ULK4: variants seen among roughly 807,000 people sequenced by gnomAD.
ULK4 encodes unc-51 like kinase 4.
ULK4 carries 133 observed loss-of-function variants against 160.6 expected under a neutral mutation model. That is an observed-to-expected ratio of 0.83 (90% CI 0.72 to 0.96). ULK4 has a LOEUF of 0.96. ULK4 is among the 40% of genes least tolerant of loss of function. ULK4 has a pLI of 0.00. For synonymous variants in ULK4, 534 were observed against 539.8 expected (o/e 0.99, Z 0.15); for missense variants, 1,580 against 1,499.5 (o/e 1.05, Z -0.89).
At chr3:41,592,805 C>G (rs542839415) in intron 31 of ULK4, among the ~76,000 whole-genome samples, 7 of 152,258 alleles carry the variant, frequency 4.6e-5, no homozygotes, top group African/African-American at 1.7e-4. Flanking sequence ...AAGTGAGTAT[C>G]TTATCTATGC....
chr3:41,909,761 A>G (rs890484885), intron 11 of ULK4, among the ~76,000 whole-genome samples: 4 of 152,140 alleles, frequency 2.6e-5, no homozygotes, highest in Non-Finnish European at 4.4e-5. Context: ...TGTAAAATGT[A>G]TATAGATAAA....
At chr3:41,657,273 G>A (rs1220837080) in intron 30 of ULK4, among the ~76,000 whole-genome samples, 10 of 151,996 alleles carry the variant, frequency 6.6e-5, no homozygotes, top group Admixed American at 5.2e-4. Context: ...TATAAAATAA[G>A]AATAAACACA....
At chr3:41,266,826 T>C (rs2079042741) in intron 35 of ULK4, among the ~76,000 whole-genome samples, 1 of 152,132 alleles carries the variant, frequency 6.6e-6, no homozygotes, top group Admixed American at 6.5e-5. Flanking sequence ...CTTACTGAAG[T>C]GCTTCATCCA....
At chr3:41,511,754 G>C (rs747835011) in intron 32 of ULK4, among the ~76,000 whole-genome samples, 3 of 151,944 alleles carry the variant, frequency 2.0e-5, no homozygotes, top group Non-Finnish European at 4.4e-5. Flanking sequence ...CTATTCCATA[G>C]AATAAAGAGG....
intron 35 of ULK4, among the ~76,000 whole-genome samples, chr3:41,353,731 AC>A (rs2080969356): frequency 6.7e-6 from 1 of 149,514 alleles, no homozygotes; most frequent in Non-Finnish European, 1.5e-5. Context: ...TACTACTACT[AC>A]TACTACTACT....
At position 41,387,378 on chromosome 3, in the gene ULK4, T is replaced by G. The variant is rs931588853; in HGVS notation, c.3678+10701A>C. On this transcript the variant is annotated intron_variant, in intron 35 of 36. Transcript: ENST00000301831. The stretch of plus-strand genomic sequence containing the variant: ...TAATTTTGTATCTTTTTTTTTCTTT[T>G]TTATATCATTATACTTTAAGTTTTA... Among the ~76,000 whole-genome samples, 15 of 151,948 alleles carry G rather than the reference T, an allele frequency of 9.9e-5. 1 individual carries two copies. The highest frequency in any genetic ancestry group is 4.4e-5 in the Non-Finnish European group (3 of 67,972).
At chr3:41,721,279 T>TTTTTTTTTTTTTTTTTTTTGG (rs67078043) in intron 22 of ULK4, among the ~76,000 whole-genome samples, 2 of 98,922 alleles carry the variant, frequency 2.0e-5, no homozygotes, top group African/African-American at 4.4e-5. Context: ...TTTTTTTTTT[T>TTTTTTTTTTTTTTTTTTTTGG]TTTTTGGGTT....
At chr3:41,509,272 A>G (rs747114449) in intron 32 of ULK4, among the ~76,000 whole-genome samples, 4 of 152,102 alleles carry the variant, frequency 2.6e-5, no homozygotes, top group Admixed American at 6.6e-5. Flanking sequence ...GCATCAAAGA[A>G]AAGAAGAAAG....
chr3:41,457,987 A>G (rs1365973760), intron 33 of ULK4, among the ~76,000 whole-genome samples: 1 of 152,182 alleles, frequency 6.6e-6, no homozygotes, highest in African/African-American at 2.4e-5. Context: ...TGATTTGGTG[A>G]CAGATTAGAT....
At chr3:41,393,238 T>C (rs754052132) in intron 35 of ULK4, among the ~76,000 whole-genome samples, 3 of 152,186 alleles carry the variant, frequency 2.0e-5, no homozygotes, top group Non-Finnish European at 4.4e-5. Context: ...ATAGCTACTA[T>C]GGTAAAGTTT....
rs561286633 is a variant in ULK4 at position 41,345,663 on chromosome 3, A to G, written c.3678+52416T>C. ...CGGGAAGGAGAGCATCAGGAAGAAT[A>G]GCTAATAGATGCTGGGCTTAATACC... On this transcript the variant is annotated intron_variant, in intron 35 of 36. Coordinates refer to ENST00000301831, the MANE Select transcript of ULK4 (RefSeq NM_017886.4). 9.2e-5 allele frequency among the ~76,000 whole-genome samples: 14 copies of G among 152,318 alleles called. No individual in the cohort carries two copies. In the South Asian group the frequency reaches 2.9e-3, roughly 32 times the overall value.
rs531622997 is a variant in ULK4 at position 41,926,385 on chromosome 3, T to G, written c.541+5459A>C. Among the ~76,000 whole-genome samples the G allele has an allele frequency of 1.1e-4, 16 of 152,196 alleles. No individual in the cohort carries two copies. In the South Asian group the frequency reaches 3.3e-3, roughly 32 times the overall value. On this transcript the variant is annotated intron_variant, in intron 5 of 36. Transcript: ENST00000301831. ...CCAAAGGTAGATAAATCCACAAAGATGGAGAGAAACCAGCACAAAAACGCT... is the reference window on the plus strand; with the variant it reads ...CCAAAGGTAGATAAATCCACAAAGAGGGAGAGAAACCAGCACAAAAACGCT...
chr3:41,713,631 T>G (rs1317725632), intron 25 of ULK4, among the ~76,000 whole-genome samples: 1 of 152,002 alleles, frequency 6.6e-6, no homozygotes, highest in Non-Finnish European at 1.5e-5. Flanking sequence ...CTGCTAAAAT[T>G]TTTTCAGTAT....
At chr3:41,387,878 A>G (rs1015283462) in intron 35 of ULK4, among the ~76,000 whole-genome samples, 7 of 152,080 alleles carry the variant, frequency 4.6e-5, no homozygotes, top group South Asian at 4.2e-4. Context: ...TAATCCTTTG[A>G]GTATATACCC....
intron 32 of ULK4, among the ~76,000 whole-genome samples, chr3:41,533,116 A>G (rs1680399066): frequency 6.6e-6 from 1 of 152,160 alleles, no homozygotes; most frequent in Admixed American, 6.5e-5. Flanking sequence ...CACCCTCCCC[A>G]TACTGAGGCT....
chr3:41,849,178 T>C (rs2042144250), intron 17 of ULK4, among the ~76,000 whole-genome samples: 1 of 152,246 alleles, frequency 6.6e-6, no homozygotes, highest in Non-Finnish European at 1.5e-5. Flanking sequence ...TAGCCTATCC[T>C]GACTGACAGA....
chr3:41,718,681 T>C (rs1324476267), intron 22 of ULK4, among the ~76,000 whole-genome samples: 1 of 152,168 alleles, frequency 6.6e-6, no homozygotes. Context: ...CATCCATCTA[T>C]CCATTTCTGT....
chr3:41,604,607 C>T (rs2032280218), intron 31 of ULK4, among the ~76,000 whole-genome samples: 1 of 152,084 alleles, frequency 6.6e-6, no homozygotes, highest in Admixed American at 6.6e-5. Context: ...ACCTAACAGG[C>T]AGCATATATG....
At chr3:41,296,506 T>C (rs1038752518) in intron 35 of ULK4, among the ~76,000 whole-genome samples, 2 of 152,126 alleles carry the variant, frequency 1.3e-5, no homozygotes, top group Non-Finnish European at 2.9e-5. Flanking sequence ...GTCCTGTCTG[T>C]AGAACAGGCA....
Sources: gnomAD v4.1 joint callset for allele counts (sites outside exome capture counted in the v4.1 genomes callset) on GRCh38, gnomAD v4.1.1 for gene constraint, MANE v1.5 for transcripts, NCBI Gene and HGNC (gene_info 2026-07-23, HGNC 2026-07-21) for gene names.